Variants in MYOM2 observed in about 807,000 individuals in gnomAD.
The protein encoded by MYOM2 is myomesin-2.
A neutral mutation model predicts 187.6 loss-of-function variants in MYOM2; 254 were observed. That is an observed-to-expected ratio of 1.35 (90% CI 1.22 to 1.50). The LOEUF (loss-of-function observed/expected upper bound fraction) is 1.50, where lower values mean the gene tolerates loss of function less well. Among genes scored for constraint, MYOM2 ranks in the 40% most tolerant of loss-of-function variants. The pLI is 0.00. For synonymous variants in MYOM2, 981 were observed against 753.8 expected (o/e 1.30, Z -4.94); for missense variants, 2,796 against 1,924.0 (o/e 1.45, Z -8.48).
At chr8:2,051,250 G>A (rs1164385796) in intron 2 of MYOM2, among the ~76,000 whole-genome samples, 1 of 152,208 alleles carries the variant, frequency 6.6e-6, no homozygotes, top group Non-Finnish European at 1.5e-5. Flanking sequence ...AAGTTAATGG[G>A]TGGCAGAGTA....
At chr8:2,129,315 G>A (rs574817937) in intron 32 of MYOM2, 83 bp downstream of exon 32, 10 of 833,676 alleles carry the variant, frequency 1.2e-5, no homozygotes, top group Non-Finnish European at 1.6e-5. Flanking sequence ...GCTCCCTGGG[G>A]AACATCAAGG....
chr8:2,129,548 C>G (rs995116415), intron 32 of MYOM2, among the ~76,000 whole-genome samples: 11 of 152,156 alleles, frequency 7.2e-5, no homozygotes, highest in Non-Finnish European at 1.5e-4. Flanking sequence ...TGAAGCAGAA[C>G]TAATAAATAA....
intron 23 of MYOM2, among the ~76,000 whole-genome samples, chr8:2,108,344 A>C (rs915494440): frequency 6.6e-6 from 1 of 150,620 alleles, no homozygotes; most frequent in Non-Finnish European, 1.5e-5. Flanking sequence ...AGCGGTGTGT[A>C]TATCTTTCTT....
At chr8:2,136,854 A>G (rs1798093527) in intron 32 of MYOM2, among the ~76,000 whole-genome samples, 1 of 152,244 alleles carries the variant, frequency 6.6e-6, no homozygotes, top group Non-Finnish European at 1.5e-5. Context: ...GTAGTCCAGC[A>G]GAACATAAAC....
chr8:2,116,148 A>G (rs2116835730), intron 26 of MYOM2, 44 bp downstream of exon 26: 11 of 1,603,292 alleles, frequency 6.9e-6, no homozygotes, highest in Non-Finnish European at 9.4e-6. Flanking sequence ...AGATAATTCA[A>G]ATGAAATTCT....
chr8:2,117,846 T>G, intron 27 of MYOM2, 39 bp from the exon 28 acceptor site: 1 of 1,495,696 alleles, frequency 6.7e-7, no homozygotes, highest in East Asian at 2.3e-5. Context: ...GTTTACTTTT[T>G]CCTTTTTTAT....
chr8:2,076,008 A>G, intron 10 of MYOM2, 133 bp from the exon 11 acceptor site: 1 of 766,966 alleles, frequency 1.3e-6, no homozygotes, highest in Non-Finnish European at 2.0e-6. Flanking sequence ...ATATTCTAGT[A>G]CTTTGAACAT....
At chr8:2,075,242 G>A (rs965285040) in intron 10 of MYOM2, among the ~76,000 whole-genome samples, 32 of 152,284 alleles carry the variant, frequency 2.1e-4, no homozygotes, top group Admixed American at 1.6e-3. Context: ...TTAGGCGGGC[G>A]TTAAATGTCC....
chr8:2,133,212 G>A (rs182004945), intron 32 of MYOM2, among the ~76,000 whole-genome samples: 2 of 152,300 alleles, frequency 1.3e-5, no homozygotes, highest in East Asian at 3.9e-4. Flanking sequence ...ATCTTGTGGG[G>A]CTCTTCCCAA....
intron 11 of MYOM2, among the ~76,000 whole-genome samples, chr8:2,077,205 G>T (rs1317264261): frequency 6.6e-6 from 1 of 152,084 alleles, no homozygotes; most frequent in Non-Finnish European, 1.5e-5. Flanking sequence ...AGCTTCTTGG[G>T]AGGCTGAGGC....
chr8:2,125,495 A>G (rs1397119611), intron 31 of MYOM2, among the ~76,000 whole-genome samples: 2 of 151,244 alleles, frequency 1.3e-5, no homozygotes, highest in Non-Finnish European at 2.9e-5. Flanking sequence ...CTGTAACTAT[A>G]TATTTTGAAA....
In MYOM2 at chr8:2,094,463, C is replaced by T. The variant is rs62478387; in HGVS notation, c.2125+372C>T. Among the ~76,000 whole-genome samples the T allele has an allele frequency of 5.6e-3, 855 of 152,200 alleles. 4 individuals carry two copies. The highest frequency in any genetic ancestry group is 0.022 in the East Asian group (113 of 5,160). On this transcript the variant is annotated intron_variant, in intron 17 of 36. Coordinates refer to ENST00000262113, the MANE Select transcript of MYOM2 (RefSeq NM_003970.4). Reference sequence around the variant, plus strand: ...GGTCAAGAGATTGAGACCATCCTGGCCAACAAGGTGAAACCCCGTCTCTAC... The same window carrying T: ...GGTCAAGAGATTGAGACCATCCTGGTCAACAAGGTGAAACCCCGTCTCTAC...
At chr8:2,136,877 A>G (rs1563082414) in intron 32 of MYOM2, among the ~76,000 whole-genome samples, 1 of 152,222 alleles carries the variant, frequency 6.6e-6, no homozygotes, top group Non-Finnish European at 1.5e-5. Context: ...CGCAAAGGCT[A>G]AAACGCTGCC....
intron 28 of MYOM2, 100 bp from the exon 29 acceptor site, chr8:2,123,152 T>C: frequency 1.3e-6 from 1 of 764,382 alleles, no homozygotes; most frequent in Non-Finnish European, 2.1e-6. Context: ...AACTAAGGTT[T>C]TTTGAGGGGG....
At position 2,116,255 on chromosome 8, in the gene MYOM2, AAG is replaced by A. The variant is rs1312282573; in HGVS notation, c.3367_3368del (p.Glu1123IlefsTer11). ...CTGGAAGAGGCTGAGTTTCAAAGGA[AAG>A]AATTTCTCAGGAAACAAGGTGAGTT... On this transcript the variant is annotated frameshift_variant, in exon 27 of 37. Coordinates refer to ENST00000262113, the MANE Select transcript of MYOM2 (RefSeq NM_003970.4). LOFTEE classifies it high-confidence loss of function. 2 of 1,613,018 alleles carry A rather than the reference AAG, an allele frequency of 1.2e-6. No homozygotes were observed. The highest frequency in any genetic ancestry group is 3.3e-5 in the Admixed American group (2 of 59,962).
chr8:2,126,017 C>G (rs1016414827), intron 31 of MYOM2, among the ~76,000 whole-genome samples: 1 of 152,102 alleles, frequency 6.6e-6, no homozygotes, highest in African/African-American at 2.4e-5. Flanking sequence ...TGGCTTTACT[C>G]TTATACTCAT....
intron 23 of MYOM2, 36 bp from the exon 24 acceptor site, chr8:2,108,750 G>A (rs755819464): frequency 2.5e-6 from 4 of 1,611,586 alleles, no homozygotes; most frequent in South Asian, 2.2e-5. Context: ...CTAGGTGCAG[G>A]TCCAGATGAA....
At position 2,086,191 on chromosome 8, in the gene MYOM2, GATCTCTGCGTGGCCCCACTGTCA is replaced by G. The variant is rs1796032643; in HGVS notation, c.1644+802_1644+824del. Among the ~76,000 whole-genome samples the G allele has an allele frequency of 1.7e-4, 7 of 40,724 alleles. 1 individual carries two copies. The highest frequency in any genetic ancestry group is 3.7e-4 in the African/African-American group (4 of 10,834). The allele number at this position is 40,724 out of a possible 152,430, so 26.7% of individuals were successfully genotyped here. On this transcript the variant is annotated intron_variant, in intron 14 of 36. Coordinates refer to ENST00000262113, the MANE Select transcript of MYOM2 (RefSeq NM_003970.4). ...GATCTCTGCGTGGCCCCACTGTCAT[GATCTCTGCGTGGCCCCACTGTCA>G]TGATCTCTTTGTGGCCCCCCACTGT...
At chr8:2,065,518 C>G (rs1818989905) in intron 6 of MYOM2, among the ~76,000 whole-genome samples, 1 of 152,228 alleles carries the variant, frequency 6.6e-6, no homozygotes, top group African/African-American at 2.4e-5. Context: ...TTCAGTGAGC[C>G]AAGATCACGC....
Sources: gnomAD v4.1 joint callset for allele counts (sites outside exome capture counted in the v4.1 genomes callset) on GRCh38, gnomAD v4.1.1 for gene constraint, MANE v1.5 for transcripts, NCBI Gene and HGNC (gene_info 2026-07-23, HGNC 2026-07-21) for gene names.